FGD2: variants seen among roughly 807,000 people sequenced by gnomAD.
FGD2 encodes FYVE, RhoGEF and PH domain-containing protein 2.
A neutral mutation model predicts 75.9 loss-of-function variants in FGD2; 52 were observed. That is an observed-to-expected ratio of 0.69 (90% CI 0.55 to 0.86). FGD2 has a LOEUF of 0.86. Ranked by LOEUF, FGD2 falls within the 40% of genes least tolerant of loss-of-function variation. FGD2 has a pLI of 0.00. For missense variants in FGD2, 790 were observed against 872.0 expected (o/e 0.91, Z 1.18); for synonymous variants, 347 against 348.6 (o/e 1.00, Z 0.05).
At chr6:37,017,920 G>A (rs560641660) in intron 9 of FGD2, among the ~76,000 whole-genome samples, 8 of 152,170 alleles carry the variant, frequency 5.3e-5, no homozygotes, top group Non-Finnish European at 8.8e-5. Context: ...AGCTCACCCC[G>A]ACACCTGAGC....
chr6:37,017,147 T>G (rs1263203523), intron 9 of FGD2, among the ~76,000 whole-genome samples: 1 of 152,062 alleles, frequency 6.6e-6, no homozygotes, highest in Non-Finnish European at 1.5e-5. Context: ...GACTGAGGTG[T>G]CCCTGTACTT....
intron 9 of FGD2, among the ~76,000 whole-genome samples, chr6:37,018,973 G>T (rs1422034949): frequency 1.3e-5 from 2 of 152,202 alleles, no homozygotes; most frequent in African/African-American, 4.8e-5. Flanking sequence ...CTTGAAACCT[G>T]CTGGGGAGCT....
intron 9 of FGD2, 66 bp downstream of exon 9, chr6:37,015,926 G>C: frequency 1.4e-6 from 2 of 1,416,810 alleles, no homozygotes; most frequent in Non-Finnish European, 1.9e-6. Flanking sequence ...GGGAGTAAGA[G>C]GAGGGGCCAA....
At chr6:37,025,411 A>G in intron 13 of FGD2, 1 of 227,584 alleles carries the variant, frequency 4.4e-6, no homozygotes, top group Non-Finnish European at 8.9e-6. Context: ...GAGTCAGGTG[A>G]GATGGCGGAG....
Position 37,011,811 on chromosome 6 carries a change from T to C in FGD2, c.484T>C (p.Ser162Pro). 1 of 1,614,086 alleles carries C rather than the reference T, an allele frequency of 6.2e-7. No individual in the cohort carries two copies. Among genetic ancestry groups the C allele is most frequent in the East Asian group, 2.2e-5 (1 of 44,876 alleles). Reference protein sequence around the residue: ...SNISSIYQFHSQFFLPELQRR... With the variant: ...SNISSIYQFHPQFFLPELQRR... ...CATCTCCTCCATCTATCAGTTCCAT[T>C]CTCAGTTCTTCCTCCCAGAGCTGCA... The change falls in exon 4 of 16, where the codon TCT (serine) becomes CCT (proline). Residue 162 changes from serine to proline, a missense_variant. Transcript: ENST00000274963.
At chr6:37,007,808 A>G (rs1322560880) in intron 1 of FGD2, among the ~76,000 whole-genome samples, 2 of 152,182 alleles carry the variant, frequency 1.3e-5, no homozygotes, top group Non-Finnish European at 2.9e-5. Context: ...GGGCTGAGAA[A>G]CCAGGGACTG....
intron 12 of FGD2, 167 bp downstream of exon 12, chr6:37,021,771 G>C: frequency 1.6e-6 from 1 of 632,144 alleles, no homozygotes; most frequent in Non-Finnish European, 2.7e-6. Context: ...CTCAGGGCCT[G>C]AGCATTCCCC....
rs371115767 is a variant in FGD2, at chr6:37,025,951, G to C, written c.1605+13G>C. 3.7e-6 allele frequency: 6 copies of C among 1,613,198 alleles called. No individual in the cohort carries two copies. The East Asian group carries it at 1.3e-4, about 36-fold the overall frequency. On this transcript the variant is annotated intron_variant, in intron 14 of 15. Transcript: ENST00000274963. ...GGGCATCCTGGAGGTGAGGGCCACT[G>C]TCCCCGCGCTCACCATCCGTCCTCT...
In FGD2 at chr6:37,021,600, A is replaced by T; in HGVS notation, c.1322A>T (p.Gln441Leu). 7 of 1,613,682 alleles carry T rather than the reference A, an allele frequency of 4.3e-6. No individual in the cohort carries two copies. The highest frequency in any genetic ancestry group is 5.9e-6 in the Non-Finnish European group (7 of 1,179,734). ...AQGPEGDIQE[Q>L]ELQSEELGLR... ...GGGCCTGAGGGAGACATCCAGGAGC[A>T]GGAGGTAAATGAAGGCTTTTTCATC... Residue 441 changes from glutamine (Q) to leucine (L), a missense_variant, in exon 12 of 16, where the codon CAG becomes CTG. By Grantham distance (113) the Gln-to-Leu change is moderately radical. Coordinates refer to ENST00000274963, the MANE Select transcript of FGD2 (RefSeq NM_173558.4).
chr6:37,019,370 G>A (rs73730515), intron 9 of FGD2, among the ~76,000 whole-genome samples: 265 of 152,324 alleles, frequency 1.7e-3, no homozygotes, highest in African/African-American at 6.0e-3. Flanking sequence ...CCCTTCTAAG[G>A]CAAAGACTGG....
chr6:37,013,854 G>T, intron 5 of FGD2, 89 bp downstream of exon 5: 1 of 1,586,040 alleles, frequency 6.3e-7, no homozygotes. Flanking sequence ...CATCTCCCAG[G>T]CTCAGCTGCT....
chr6:37,014,557 G>C (rs893750875), intron 6 of FGD2, 89 bp from the exon 7 acceptor site: 8 of 1,477,450 alleles, frequency 5.4e-6, no homozygotes, highest in Non-Finnish European at 7.4e-6. Context: ...GGCAGGTCCT[G>C]AGGGCCCTTT....
intron 5 of FGD2, 73 bp from the exon 6 acceptor site, chr6:37,013,889 C>T (rs1038309510): frequency 2.5e-5 from 39 of 1,585,406 alleles, no homozygotes; most frequent in South Asian, 1.5e-4. Context: ...CCTACTCGTC[C>T]GGCCCTCAGG....
At chr6:37,020,978 T>G (rs1445514109) in intron 11 of FGD2, among the ~76,000 whole-genome samples, 2 of 144,528 alleles carry the variant, frequency 1.4e-5, no homozygotes, top group Non-Finnish European at 3.0e-5. Context: ...GTGTGTGTGT[T>G]TGTGTGTATG....
In FGD2 at chr6:37,005,675, C is replaced by G; in HGVS notation, c.-143C>G. 1 of 855,424 alleles carries G rather than the reference C, an allele frequency of 1.2e-6. No homozygotes were observed. Among genetic ancestry groups the G allele is most frequent in the Non-Finnish European group, 1.9e-6 (1 of 534,054 alleles). 53.0% of individuals were successfully genotyped at this position (855,424 alleles called of 1,614,324 possible). ...TCTTCACTCTGAAGCCAAGAGCCGA[C>G]CTTCTGAGCCCTCAAGAAAGATCAG... On this transcript the variant is annotated 5_prime_UTR_variant, in exon 1 of 16. Transcript: ENST00000274963.
rs530591795 is a variant in FGD2 at position 37,012,325 on chromosome 6, T to G, written c.527+471T>G. On this transcript the variant is annotated intron_variant, in intron 4 of 15. Transcript: ENST00000274963. ...TTTGCCACGAAGTCTAGGATGTCCT[T>G]TAAGATCTTTGGCAAAGAAGAATGC... Among the ~76,000 whole-genome samples the G allele has an allele frequency of 2.0e-5, 3 of 152,358 alleles. No homozygotes were observed. In the South Asian group the frequency reaches 6.2e-4, roughly 32 times the overall value.
chr6:37,020,006 C>T (rs1336607807), intron 9 of FGD2, among the ~76,000 whole-genome samples: 1 of 152,048 alleles, frequency 6.6e-6, no homozygotes, highest in Admixed American at 6.6e-5. Flanking sequence ...GCATGCGCCA[C>T]CATGTCCAGC....
chr6:37,027,819 C>T, intron 15 of FGD2, 129 bp from the exon 16 acceptor site: 1 of 1,155,788 alleles, frequency 8.7e-7, no homozygotes, highest in Non-Finnish European at 1.2e-6. Flanking sequence ...ATGGCCTTCA[C>T]CAGCCCACCC....
chr6:37,006,931 T>G (rs968458083), intron 1 of FGD2, among the ~76,000 whole-genome samples: 26 of 152,038 alleles, frequency 1.7e-4, no homozygotes, highest in African/African-American at 6.3e-4. Flanking sequence ...GGCTGGGTAT[T>G]TGTATCTCCA....
Sources: gnomAD v4.1 joint callset for allele counts (sites outside exome capture counted in the v4.1 genomes callset) on GRCh38, gnomAD v4.1.1 for gene constraint, MANE v1.5 for transcripts, NCBI Gene and HGNC (gene_info 2026-07-23, HGNC 2026-07-21) for gene names.